The following NRXN3 variants were observed in gnomAD, a reference collection of about 807,000 sequenced individuals.
NRXN3 encodes neurexin III.
A neutral mutation model predicts 137.6 loss-of-function variants in NRXN3; 32 were observed. That is an observed-to-expected ratio of 0.23 (90% confidence interval 0.18 to 0.31). NRXN3 has a LOEUF of 0.31. Ranked by LOEUF, NRXN3 falls within the 10% of genes least tolerant of loss-of-function variation. The pLI, the probability that NRXN3 is intolerant of heterozygous loss-of-function variation, is 1.00. For missense variants in NRXN3, 1,574 were observed against 2,062.5 expected, an observed-to-expected ratio of 0.76 and a Z score of 4.59; for synonymous variants, 798 against 784.5, an observed-to-expected ratio of 1.02 and a Z score of -0.29.
intron 4 of NRXN3, among the ~76,000 whole-genome samples, chr14:78,478,182 G>T (rs764888475): frequency 6.6e-6 from 1 of 152,162 alleles, no homozygotes; most frequent in Non-Finnish European, 1.5e-5. Flanking sequence ...TATGATGTCT[G>T]TCCTTAGGAA....
chr14:78,736,297 T>C (rs1361257404), intron 8 of NRXN3, among the ~76,000 whole-genome samples: 2 of 152,206 alleles, frequency 1.3e-5, no homozygotes, highest in African/African-American at 4.8e-5. Flanking sequence ...ATGGATAGAC[T>C]GTAGGTTTTG....
Position 79,663,872 on chromosome 14 carries a change from T to A in NRXN3, c.3539T>A (p.Val1180Glu). The change falls in exon 17 of 21, where the codon GTG becomes GAG. Residue 1180 changes from valine to glutamate, a missense_variant. Physicochemically the swap from Val to Glu is moderately radical, Grantham distance 121. Transcript: ENST00000335750. ...RTPVNDGKYH[V>E]VRFTRNGGNA... ...CCTGTAAATGACGGCAAATACCATG[T>A]GGTACGCTTCACCAGGAACGGCGGC... 1 of 1,613,604 alleles carries A rather than the reference T, an allele frequency of 6.2e-7. No individual in the cohort carries two copies. Among genetic ancestry groups the A allele is most frequent in the Non-Finnish European group, 8.5e-7 (1 of 1,179,672 alleles).
intron 19 of NRXN3, among the ~76,000 whole-genome samples, chr14:79,772,676 G>T (rs1001377269): frequency 2.0e-5 from 3 of 152,024 alleles, no homozygotes; most frequent in Non-Finnish European, 2.9e-5. Context: ...TAAAAACCCT[G>T]GAAGAAAACC....
At chr14:79,226,575 T>G (rs2070900060) in intron 15 of NRXN3, among the ~76,000 whole-genome samples, 1 of 152,142 alleles carries the variant, frequency 6.6e-6, no homozygotes, top group South Asian at 2.1e-4. Context: ...CAGAATTGTT[T>G]CATCTCATGT....
intron 19 of NRXN3, among the ~76,000 whole-genome samples, chr14:79,793,992 T>C (rs2099153419): frequency 6.6e-6 from 1 of 152,186 alleles, no homozygotes; most frequent in Admixed American, 6.5e-5. Flanking sequence ...TACCAACGCT[T>C]TTTAACTTCA....
intron 6 of NRXN3, among the ~76,000 whole-genome samples, chr14:78,677,593 CG>C (rs1231097121): frequency 6.6e-6 from 1 of 151,996 alleles, no homozygotes; most frequent in Non-Finnish European, 1.5e-5. Context: ...AATGTTGAAA[CG>C]ACAACAAAGG....
At chr14:79,549,645 T>C (rs1567469733) in intron 16 of NRXN3, among the ~76,000 whole-genome samples, 1 of 152,080 alleles carries the variant, frequency 6.6e-6, no homozygotes, top group Non-Finnish European at 1.5e-5. Context: ...TTGGTATTGA[T>C]GTGTTTCCCA....
intron 16 of NRXN3, among the ~76,000 whole-genome samples, chr14:79,652,374 T>C (rs1567781712): frequency 6.6e-6 from 1 of 151,742 alleles, no homozygotes; most frequent in Non-Finnish European, 1.5e-5. Context: ...CTTCATATTG[T>C]GTATGAGTTC....
intron 4 of NRXN3, among the ~76,000 whole-genome samples, chr14:78,386,946 AT>A (rs2153636855): frequency 6.6e-6 from 1 of 151,910 alleles, no homozygotes; most frequent in South Asian, 2.1e-4. Context: ...TGCATGGCTA[AT>A]TTTTTTGTAT....
intron 15 of NRXN3, among the ~76,000 whole-genome samples, chr14:79,171,982 A>G (rs546264894): frequency 6.6e-6 from 1 of 152,256 alleles, no homozygotes; most frequent in Non-Finnish European, 1.5e-5. Flanking sequence ...TTATCTTGCA[A>G]CAGTACTAAA....
chr14:79,113,825 T>C (rs1240466909), intron 15 of NRXN3, among the ~76,000 whole-genome samples: 1 of 152,198 alleles, frequency 6.6e-6, no homozygotes, highest in African/African-American at 2.4e-5. Context: ...GAGTTATTAA[T>C]AGTTAAAATA....
At chr14:78,742,912 CAA>C (rs1489727562) in intron 8 of NRXN3, among the ~76,000 whole-genome samples, 3 of 152,164 alleles carry the variant, frequency 2.0e-5, no homozygotes, top group African/African-American at 7.2e-5. Context: ...TAAATAAACT[CAA>C]GACACCATCA....
At chr14:78,995,403 C>T (rs978440622) in intron 15 of NRXN3, among the ~76,000 whole-genome samples, 12 of 152,138 alleles carry the variant, frequency 7.9e-5, no homozygotes, top group East Asian at 1.9e-4. Context: ...TCATACAGCA[C>T]GGTGGACGAG....
At chr14:78,665,944 C>T (rs945212893) in intron 6 of NRXN3, among the ~76,000 whole-genome samples, 1 of 152,142 alleles carries the variant, frequency 6.6e-6, no homozygotes, top group Non-Finnish European at 1.5e-5. Flanking sequence ...TTGATTTTCT[C>T]TTTTTCTTTA....
intron 1 of NRXN3, among the ~76,000 whole-genome samples, chr14:78,188,802 C>G: frequency 6.6e-6 from 1 of 152,252 alleles, no homozygotes; most frequent in South Asian, 2.1e-4. Flanking sequence ...CATACCTACC[C>G]TACGGATTCC....
At chr14:78,262,852 C>A (rs929974593) in intron 2 of NRXN3, among the ~76,000 whole-genome samples, 3 of 152,160 alleles carry the variant, frequency 2.0e-5, no homozygotes, top group African/African-American at 7.2e-5. Context: ...CATCTATTGA[C>A]CTCTTACTAC....
At position 78,651,886 on chromosome 14, in the gene NRXN3, G is replaced by A. The variant is rs190212476; in HGVS notation, c.1221+560G>A. Among the ~76,000 whole-genome samples the A allele has an allele frequency of 7.3e-3, 1,107 of 152,228 alleles. 14 individuals are homozygous for A. The highest frequency in any genetic ancestry group is 0.012 in the Non-Finnish European group (812 of 68,016). On this transcript the variant is annotated intron_variant, in intron 6 of 20. Transcript: ENST00000335750. ...AGCTACAATTCAAGATGAAATTTGG[G>A]TGGGGACACAGCCAAACCATGTCAA...
intron 6 of NRXN3, among the ~76,000 whole-genome samples, chr14:78,664,129 A>G (rs1014738468): frequency 3.9e-5 from 6 of 152,122 alleles, no homozygotes; most frequent in Admixed American, 1.3e-4. Flanking sequence ...CCAATTATCA[A>G]CCAATAAAAT....
chr14:79,035,501 A>G (rs552872305), intron 15 of NRXN3, among the ~76,000 whole-genome samples: 12 of 152,246 alleles, frequency 7.9e-5, no homozygotes, highest in African/African-American at 2.9e-4. Context: ...ACATATTCAT[A>G]GAAATCATAG....
Sources: gnomAD v4.1 joint callset for allele counts (sites outside exome capture counted in the v4.1 genomes callset) on GRCh38, gnomAD v4.1.1 for gene constraint, MANE v1.5 for transcripts, NCBI Gene and HGNC (gene_info 2026-07-23, HGNC 2026-07-21) for gene names.